CCDC149: variants seen among roughly 807,000 people sequenced by gnomAD.
CCDC149 encodes coiled-coil domain-containing protein 149.
In CCDC149, 45 loss-of-function variants were observed where a neutral mutation model predicts 59.9. The ratio of observed to expected loss-of-function variants is 0.75; its 90% CI spans 0.59 to 0.96. CCDC149 has a LOEUF of 0.96. Among genes scored for constraint, CCDC149 ranks in the 40% least tolerant of loss-of-function variants. The pLI, the probability that CCDC149 is intolerant of heterozygous loss-of-function variation, is 0.00. For synonymous variants in CCDC149, 245 were observed against 260.6 expected (o/e 0.94, Z 0.58); for missense variants, 584 against 664.7 (o/e 0.88, Z 1.33).
In CCDC149 at chr4:24,808,274, CTTGCAGA is replaced by C; in HGVS notation, c.*108_*114del. 1 of 942,838 alleles carries C rather than the reference CTTGCAGA, an allele frequency of 1.1e-6. No homozygotes were observed. Among genetic ancestry groups the C allele is most frequent in the Non-Finnish European group, 1.5e-6 (1 of 670,606 alleles). The allele number at this position is 942,838 out of a possible 1,614,324, so 58.4% of individuals were successfully genotyped here. A position where few individuals can be genotyped will look rare whatever the true frequency, so the allele number is the denominator to read the frequency against. On this transcript the variant is annotated 3_prime_UTR_variant, in exon 13 of 13. Transcript: ENST00000635206. ...GCAACAGGATCAGTGCGTTTTCTCA[CTTGCAGA>C]CTCGGAGGTATTTCAGGAGAAGGCG... is the stretch of plus-strand genomic sequence containing the variant.
At chr4:24,817,003 C>A (rs1044913832) in intron 12 of CCDC149, among the ~76,000 whole-genome samples, 1 of 152,172 alleles carries the variant, frequency 6.6e-6, no homozygotes, top group Non-Finnish European at 1.5e-5. Flanking sequence ...CGGACGCTGA[C>A]AGCCACGGCG....
chr4:24,826,789 G>A (rs1715776254), intron 9 of CCDC149, among the ~76,000 whole-genome samples: 1 of 152,210 alleles, frequency 6.6e-6, no homozygotes, highest in Non-Finnish European at 1.5e-5. Flanking sequence ...TAGAGGGGAT[G>A]AAATTCAGAG....
chr4:24,841,179 T>C (rs1418313581), intron 4 of CCDC149, among the ~76,000 whole-genome samples: 1 of 152,218 alleles, frequency 6.6e-6, no homozygotes, highest in African/African-American at 2.4e-5. Context: ...CCTTTCAGTA[T>C]GAGGCCAACA....
intron 1 of CCDC149, among the ~76,000 whole-genome samples, chr4:24,879,285 G>A (rs1719676420): frequency 6.6e-6 from 1 of 152,024 alleles, no homozygotes; most frequent in Non-Finnish European, 1.5e-5. Context: ...GGAGGCCGAG[G>A]TGGGCAGAAC....
chr4:24,977,233 C>T (rs959959458), intron 1 of CCDC149, among the ~76,000 whole-genome samples: 4 of 152,134 alleles, frequency 2.6e-5, no homozygotes, highest in African/African-American at 9.7e-5. Context: ...AGGACATTGG[C>T]TGGAGCTTTG....
chr4:24,895,170 T>C, intron 1 of CCDC149: 1 of 731,418 alleles, frequency 1.4e-6, no homozygotes, highest in Non-Finnish European at 2.4e-6. Context: ...GAAGTCAGAA[T>C]AATGGTTACC....
At chr4:24,882,583 T>C (rs185388859) in intron 1 of CCDC149, among the ~76,000 whole-genome samples, 75 of 152,332 alleles carry the variant, frequency 4.9e-4, no homozygotes, top group African/African-American at 1.8e-3. Context: ...AATGTGTTCC[T>C]ATCTCGTCAG....
At position 24,808,771 on chromosome 4, in the gene CCDC149, G is replaced by A. The variant is rs556415780; in HGVS notation, c.1241C>T (p.Ala414Val). The A allele has an allele frequency of 1.2e-5, 19 of 1,551,358 alleles. No individual in the cohort carries two copies. The East Asian group carries it at 2.2e-4, about 18-fold the overall frequency. ...CCCAGCATCCTCAGGCGCTGTCAACGCCTCAGCAGCGGCACAACTTTCATC... is the reference window on the plus strand; with the variant it reads ...CCCAGCATCCTCAGGCGCTGTCAACACCTCAGCAGCGGCACAACTTTCATC... Residue 414 changes from alanine to valine, a missense_variant, in exon 13 of 13, where the codon GCG (alanine) becomes GTG (valine). By Grantham distance (64) the Ala-to-Val change is moderately conservative. Transcript: ENST00000635206.
intron 9 of CCDC149, among the ~76,000 whole-genome samples, chr4:24,826,585 C>G (rs1553847835): frequency 6.6e-6 from 1 of 152,130 alleles, no homozygotes; most frequent in Non-Finnish European, 1.5e-5. Flanking sequence ...GATGCGAAGT[C>G]AGAAGGAACC....
At chr4:24,890,886 C>T (rs1720485096) in intron 1 of CCDC149, among the ~76,000 whole-genome samples, 1 of 152,224 alleles carries the variant, frequency 6.6e-6, no homozygotes, top group Non-Finnish European at 1.5e-5. Flanking sequence ...AGAGCTCTTA[C>T]CACCATCTGC....
chr4:24,980,062 T>C (rs374915926), intron 1 of CCDC149: 1 of 152,196 alleles, frequency 6.6e-6, no homozygotes, highest in East Asian at 1.9e-4. Flanking sequence ...AAAGAAAGGA[T>C]TTTTACCTGA....
At chr4:24,931,222 T>C (rs955020443) in intron 1 of CCDC149, among the ~76,000 whole-genome samples, 3 of 149,252 alleles carry the variant, frequency 2.0e-5, no homozygotes, top group African/African-American at 4.9e-5. Context: ...ACATACATAA[T>C]GTATTATAAA....
At chr4:24,894,875 A>G in intron 1 of CCDC149, 1 of 1,343,468 alleles carries the variant, frequency 7.4e-7, no homozygotes, top group Non-Finnish European at 1.0e-6. Flanking sequence ...AGCCTGTGCT[A>G]GAACCAAACA....
At chr4:24,937,768 C>T (rs1038837628) in intron 1 of CCDC149, among the ~76,000 whole-genome samples, 1 of 152,204 alleles carries the variant, frequency 6.6e-6, no homozygotes, top group Non-Finnish European at 1.5e-5. Context: ...CATGTGACTC[C>T]TCCTAACTGT....
chr4:24,972,233 G>C (rs1345768008), intron 1 of CCDC149, among the ~76,000 whole-genome samples: 3 of 151,936 alleles, frequency 2.0e-5, no homozygotes, highest in African/African-American at 7.3e-5. Flanking sequence ...GAAAACCCTG[G>C]CTATCATGAA....
At chr4:24,967,181 G>A (rs943598869) in intron 1 of CCDC149, among the ~76,000 whole-genome samples, 7 of 152,118 alleles carry the variant, frequency 4.6e-5, no homozygotes, top group African/African-American at 7.2e-5. Flanking sequence ...CAGGGAATTC[G>A]GACTGAGTGC....
intron 1 of CCDC149, among the ~76,000 whole-genome samples, chr4:24,887,117 T>C (rs768502572): frequency 6.6e-6 from 1 of 152,020 alleles, no homozygotes; most frequent in Non-Finnish European, 1.5e-5. Flanking sequence ...CCATTGGCCA[T>C]TGAGGGGCTT....
rs185576324 is a variant in CCDC149, at chr4:24,887,593, C to T, written c.64-10896G>A. ...TCCCCCATCCAGCAATACCTCACTT[C>T]CCACCCAACAAATGGCTCCAGGTGA... On this transcript the variant is annotated intron_variant, in intron 1 of 12. Coordinates refer to ENST00000635206, the MANE Select transcript of CCDC149 (RefSeq NM_001330643.2). 7.3e-4 allele frequency among the ~76,000 whole-genome samples: 111 copies of T among 152,226 alleles called. 1 individual carries two copies. Among genetic ancestry groups the T allele is most frequent in the Non-Finnish European group, 1.4e-3 (94 of 68,014 alleles).
intron 1 of CCDC149, among the ~76,000 whole-genome samples, chr4:24,974,105 C>A (rs1485015044): frequency 6.6e-6 from 1 of 152,246 alleles, no homozygotes; most frequent in Admixed American, 6.5e-5. Context: ...CGCCTGTGTG[C>A]GGCCCACTGT....
Sources: allele counts gnomAD v4.1 joint callset (sites outside exome capture counted in the v4.1 genomes callset), GRCh38; gene constraint gnomAD v4.1.1; transcripts MANE v1.5; gene names NCBI Gene and HGNC (gene_info 2026-07-23, HGNC 2026-07-21).